Variants in NOL10 observed in about 807,000 individuals in gnomAD.
NOL10 encodes the protein H_NH0074G24.1.
NOL10 carries 58 observed loss-of-function variants against 103.5 expected under a neutral mutation model. The ratio of observed to expected loss-of-function variants is 0.56; its 90% CI spans 0.45 to 0.70. NOL10 has a LOEUF of 0.70. Among genes scored for constraint, NOL10 ranks in the 30% least tolerant of loss-of-function variants. The pLI is 0.00. For synonymous variants in NOL10, 287 were observed against 282.5 expected, an observed-to-expected ratio of 1.02 and a Z score of -0.16; for missense variants, 763 against 807.3, an observed-to-expected ratio of 0.95 and a Z score of 0.67.
intron 12 of NOL10, among the ~76,000 whole-genome samples, chr2:10,652,916 C>A (rs535959795): frequency 3.8e-4 from 58 of 152,288 alleles, no homozygotes; most frequent in African/African-American, 1.3e-3. Context: ...ACGTTTCTGG[C>A]CAGGCGCGGC....
chr2:10,600,768 T>C, intron 17 of NOL10, 85 bp downstream of exon 17: 1 of 916,826 alleles, frequency 1.1e-6, no homozygotes, highest in Non-Finnish European at 1.7e-6. Flanking sequence ...TACATGTATT[T>C]TTAAAGTAAA....
intron 9 of NOL10, among the ~76,000 whole-genome samples, chr2:10,660,445 T>A (rs1423979006): frequency 6.6e-6 from 1 of 152,058 alleles, no homozygotes; most frequent in Non-Finnish European, 1.5e-5. Context: ...GCCTCCCGAG[T>A]AGCTGGGACT....
In NOL10 at chr2:10,570,804, C is replaced by G. The variant is rs1287909806; in HGVS notation, c.*1267G>C. The stretch of plus-strand genomic sequence containing the variant: ...ATATTTATTTTTATAAATGTTTCCT[C>G]CAGTAAGTTTATGTTTGACTGTACT... On this transcript the variant is annotated 3_prime_UTR_variant, in exon 21 of 21. Coordinates refer to ENST00000381685, the MANE Select transcript of NOL10 (RefSeq NM_024894.4). 1 of 151,464 alleles carries G rather than the reference C, an allele frequency of 6.6e-6. No individual in the cohort carries two copies. The highest frequency in any genetic ancestry group is 2.4e-5 in the African/African-American group (1 of 41,104). The allele number at this position is 151,464 out of a possible 1,614,324, so 9.4% of individuals were successfully genotyped here.
At chr2:10,635,140 C>T (rs1390499171) in intron 13 of NOL10, among the ~76,000 whole-genome samples, 1 of 152,102 alleles carries the variant, frequency 6.6e-6, no homozygotes, top group Non-Finnish European at 1.5e-5. Context: ...TACACACAGA[C>T]TGAAGGTAAT....
chr2:10,638,310 GACGTGACGTGACGTGACGTGACGTA>G (rs1369741327), intron 13 of NOL10, among the ~76,000 whole-genome samples: 4 of 71,010 alleles, frequency 5.6e-5, no homozygotes, highest in African/African-American at 2.0e-4. Context: ...AACGTGACGT[GACGTGACGTGACGTGACGTGACGTA>G]ACGTAACGTA....
At chr2:10,635,949 G>A (rs1678180542) in intron 13 of NOL10, among the ~76,000 whole-genome samples, 1 of 152,150 alleles carries the variant, frequency 6.6e-6, no homozygotes, top group Non-Finnish European at 1.5e-5. Context: ...GCGGTAGCAC[G>A]ACCTCGGCTC....
intron 13 of NOL10, among the ~76,000 whole-genome samples, chr2:10,608,792 A>T (rs1202414889): frequency 1.3e-5 from 2 of 152,212 alleles, no homozygotes; most frequent in Non-Finnish European, 2.9e-5. Flanking sequence ...CCGGATTAGA[A>T]AGAGTGATTC....
chr2:10,662,821 G>C, intron 9 of NOL10, 138 bp downstream of exon 9: 1 of 685,524 alleles, frequency 1.5e-6, no homozygotes, highest in Non-Finnish European at 2.5e-6. Flanking sequence ...AGCTTTTACA[G>C]GAGAGGATCT....
rs980501197 is a variant in NOL10, at chr2:10,602,407, C to A, written c.1332+369G>T. On this transcript the variant is annotated intron_variant, in intron 16 of 20. Coordinates refer to ENST00000381685, the MANE Select transcript of NOL10 (RefSeq NM_024894.4). ...TGTCGACCATTTCCCATGATCCAAA[C>A]AGAGCCTAAGATACGGCCAAAGGTC... Among the ~76,000 whole-genome samples, 3 of 152,182 alleles carry A rather than the reference C, an allele frequency of 2.0e-5. No homozygotes were observed. In the South Asian group the frequency reaches 6.2e-4, roughly 31 times the overall value.
At chr2:10,592,891 A>T (rs1243486328) in intron 17 of NOL10, among the ~76,000 whole-genome samples, 1 of 152,192 alleles carries the variant, frequency 6.6e-6, no homozygotes, top group Non-Finnish European at 1.5e-5. Context: ...AAGTAGGATA[A>T]GGTATAGCTA....
At chr2:10,628,635 C>T (rs1314926276) in intron 13 of NOL10, among the ~76,000 whole-genome samples, 1 of 152,038 alleles carries the variant, frequency 6.6e-6, no homozygotes, top group Non-Finnish European at 1.5e-5. Flanking sequence ...ACTTGAAAGG[C>T]CCGTCAGAAT....
chr2:10,610,062 C>G (rs967215324), intron 13 of NOL10, among the ~76,000 whole-genome samples: 1 of 152,152 alleles, frequency 6.6e-6, no homozygotes, highest in Admixed American at 6.5e-5. Flanking sequence ...CTTATTCAGA[C>G]AAAAACACTC....
At position 10,667,272 on chromosome 2, in the gene NOL10, A is replaced by G; in HGVS notation, c.537T>C (p.Asn179=). 1 of 1,583,252 alleles carries G rather than the reference A, an allele frequency of 6.3e-7. No individual in the cohort carries two copies. The highest frequency in any genetic ancestry group is 1.2e-5 in the South Asian group (1 of 86,482). ...LNPLQTDAAE[N]NVCDINSVHG... ...GCACTGAATTTATGTCACAAACATT[A>G]TTCTCCCTAACACAGGAAAGCAGTA... Residue 179 remains asparagine (N), a synonymous_variant, in exon 8 of 21, where the codon AAT becomes AAC. Coordinates refer to ENST00000381685, the MANE Select transcript of NOL10 (RefSeq NM_024894.4).
At chr2:10,608,739 T>G (rs1676390707) in intron 13 of NOL10, among the ~76,000 whole-genome samples, 1 of 152,024 alleles carries the variant, frequency 6.6e-6, no homozygotes, top group South Asian at 2.1e-4. Flanking sequence ...AAAAGAAAAG[T>G]AAATGTTAGA....
chr2:10,623,054 T>C (rs1677238952), intron 13 of NOL10, among the ~76,000 whole-genome samples: 1 of 151,940 alleles, frequency 6.6e-6, no homozygotes, highest in African/African-American at 2.4e-5. Flanking sequence ...CTGCCTTAAA[T>C]GGGGCCCTCA....
chr2:10,582,538 C>A (rs1217682182), intron 19 of NOL10, among the ~76,000 whole-genome samples: 1 of 152,188 alleles, frequency 6.6e-6, no homozygotes, highest in African/African-American at 2.4e-5. Context: ...GTCATGGCTG[C>A]TCCAGATACC....
chr2:10,646,656 CAGG>C (rs1440733679), intron 12 of NOL10, among the ~76,000 whole-genome samples: 1 of 152,134 alleles, frequency 6.6e-6, no homozygotes, highest in Non-Finnish European at 1.5e-5. Context: ...ATGATCAAGG[CAGG>C]AGAAGAGAAG....
intron 6 of NOL10, among the ~76,000 whole-genome samples, chr2:10,669,483 C>T (rs866032331): frequency 1.2e-3 from 132 of 106,878 alleles, no homozygotes; most frequent in East Asian, 0.011. Context: ...TATATATATA[C>T]ACACACACAC....
At chr2:10,584,691 A>T (rs1674931893) in intron 19 of NOL10, among the ~76,000 whole-genome samples, 1 of 152,164 alleles carries the variant, frequency 6.6e-6, no homozygotes, top group Non-Finnish European at 1.5e-5. Flanking sequence ...TCACTTATAT[A>T]GTTCTCAAAA....
Sources: gnomAD v4.1 joint callset for allele counts (sites outside exome capture counted in the v4.1 genomes callset) on GRCh38, gnomAD v4.1.1 for gene constraint, MANE v1.5 for transcripts, NCBI Gene and HGNC (gene_info 2026-07-23, HGNC 2026-07-21) for gene names.